BCL7C: variants seen among roughly 807,000 people sequenced by gnomAD.
The protein encoded by BCL7C is B-cell CLL/lymphoma 7 protein family member C.
In BCL7C, 8 loss-of-function variants were observed where a neutral mutation model predicts 26.2. The observed-to-expected ratio is 0.30, with a 90% CI of 0.18 to 0.55. BCL7C has a LOEUF of 0.55. BCL7C is among the 20% of genes least tolerant of loss of function. BCL7C has a pLI of 0.93. For synonymous variants in BCL7C, 90 were observed against 116.5 expected (o/e 0.77, Z 1.47); for missense variants, 262 against 298.5 (o/e 0.88, Z 0.90).
intron 5 of BCL7C, among the ~76,000 whole-genome samples, chr16:30,859,304 TG>T (rs1186768488): frequency 6.6e-6 from 1 of 152,220 alleles, no homozygotes; most frequent in African/African-American, 2.4e-5. Context: ...GAGACTGTTT[TG>T]CAGAAGTGAG....
chr16:30,881,528 C>A (rs1464027581), intron 5 of BCL7C, among the ~76,000 whole-genome samples: 2 of 152,192 alleles, frequency 1.3e-5, no homozygotes, highest in East Asian at 3.8e-4. Flanking sequence ...GGCCTCTGAG[C>A]AGGGCGACCA....
intron 5 of BCL7C, among the ~76,000 whole-genome samples, chr16:30,849,742 T>C (rs182122318): frequency 7.0e-6 from 1 of 143,224 alleles, no homozygotes; most frequent in African/African-American, 2.6e-5. Flanking sequence ...TGAGCCCCTG[T>C]GCCTGGCCTC....
intron 5 of BCL7C, among the ~76,000 whole-genome samples, chr16:30,835,825 G>A (rs1035657113): frequency 6.6e-6 from 1 of 151,788 alleles, no homozygotes; most frequent in Admixed American, 6.6e-5. Flanking sequence ...CAGCCTGGGC[G>A]ACAGAGTGAG....
intron 5 of BCL7C, among the ~76,000 whole-genome samples, chr16:30,882,029 C>T (rs1217946380): frequency 1.3e-5 from 2 of 151,510 alleles, no homozygotes; most frequent in African/African-American, 4.9e-5. Flanking sequence ...GGTGCGATCT[C>T]GGCTCACTGC....
intron 5 of BCL7C, among the ~76,000 whole-genome samples, chr16:30,870,016 T>G (rs2054869022): frequency 6.6e-6 from 1 of 152,200 alleles, no homozygotes. Flanking sequence ...AATACATGCA[T>G]CTATCCATCT....
chr16:30,889,662 G>A (rs761995973), intron 4 of BCL7C, among the ~76,000 whole-genome samples: 2 of 152,042 alleles, frequency 1.3e-5, no homozygotes, highest in African/African-American at 2.4e-5. Context: ...CTGATTTTTT[G>A]TATTTTTAGT....
downstream of BCL7C, among the ~76,000 whole-genome samples, chr16:30,885,898 T>G (rs1303256399): frequency 1.3e-5 from 2 of 152,102 alleles, no homozygotes. Context: ...GTTGCCCAGA[T>G]TTGAGCACAG....
rs1052519087 is a variant in BCL7C, at chr16:30,887,798, C to G, written c.*67G>C. The G allele has an allele frequency of 1.3e-6, 2 of 1,517,356 alleles. No individual in the cohort carries two copies. Among genetic ancestry groups the G allele is most frequent in the African/African-American group, 2.9e-5 (2 of 69,560 alleles). 94.0% of individuals were successfully genotyped at this position (1,517,356 alleles called of 1,614,324 possible). A position where few individuals can be genotyped will look rare whatever the true frequency, so the allele number is the denominator to read the frequency against. ...GGGGAAATGACATGACACAAAATTA[C>G]AAAAGGGTCTTTATTTGTAAAAAGC... On this transcript the variant is annotated 3_prime_UTR_variant, in exon 6 of 6. Transcript: ENST00000215115.
chr16:30,869,115 G>A (rs1567315555), intron 5 of BCL7C, among the ~76,000 whole-genome samples: 1 of 152,094 alleles, frequency 6.6e-6, no homozygotes, highest in Non-Finnish European at 1.5e-5. Context: ...TAGAAAGAGT[G>A]CCGAGCTTGA....
chr16:30,849,550 C>T (rs1312365615), intron 5 of BCL7C, among the ~76,000 whole-genome samples: 1 of 152,012 alleles, frequency 6.6e-6, no homozygotes, highest in Non-Finnish European at 1.5e-5. Context: ...ATCCTGGGTT[C>T]AAGCATTTCC....
At chr16:30,858,658 C>T (rs1383648091) in intron 5 of BCL7C, among the ~76,000 whole-genome samples, 3 of 152,164 alleles carry the variant, frequency 2.0e-5, no homozygotes, top group South Asian at 2.1e-4. Flanking sequence ...ATGAGACACT[C>T]GGAGATACTG....
chr16:30,847,204 A>T (rs1346585078), intron 5 of BCL7C, among the ~76,000 whole-genome samples: 1 of 152,200 alleles, frequency 6.6e-6, no homozygotes, highest in Non-Finnish European at 1.5e-5. Context: ...TTGAATTTGC[A>T]GTCTCATCAA....
intron 5 of BCL7C, among the ~76,000 whole-genome samples, chr16:30,857,955 G>A (rs1378725171): frequency 7.8e-6 from 1 of 127,844 alleles, no homozygotes; most frequent in Admixed American, 9.2e-5. Flanking sequence ...TGAGTGACAA[G>A]AGCGAAACTC....
At chr16:30,876,852 C>G (rs953223540) in intron 5 of BCL7C, among the ~76,000 whole-genome samples, 3 of 152,152 alleles carry the variant, frequency 2.0e-5, no homozygotes, top group Non-Finnish European at 2.9e-5. Context: ...GGGGCCAAAT[C>G]CAGCAGGGGC....
chr16:30,856,670 T>C (rs1009638558), intron 5 of BCL7C, among the ~76,000 whole-genome samples: 5 of 152,192 alleles, frequency 3.3e-5, no homozygotes, highest in South Asian at 2.1e-4. Flanking sequence ...TTTTCTTAAA[T>C]GCCTTTCACA....
chr16:30,861,216 C>T (rs1441011821), intron 5 of BCL7C, among the ~76,000 whole-genome samples: 2 of 152,106 alleles, frequency 1.3e-5, no homozygotes, highest in South Asian at 2.1e-4. Flanking sequence ...AGATTCTGGC[C>T]GTCAAACCCT....
intron 5 of BCL7C, among the ~76,000 whole-genome samples, chr16:30,871,470 T>C (rs1432195374): frequency 6.6e-6 from 1 of 152,164 alleles, no homozygotes; most frequent in Non-Finnish European, 1.5e-5. Flanking sequence ...GCTCTGAGAA[T>C]ATTCACCTAG....
chr16:30,835,920 C>T (rs1224168346), intron 5 of BCL7C, among the ~76,000 whole-genome samples: 1 of 151,612 alleles, frequency 6.6e-6, no homozygotes, highest in African/African-American at 2.4e-5. Flanking sequence ...GGGAGGGAGG[C>T]CAAACAAAGC....
downstream of BCL7C, among the ~76,000 whole-genome samples, chr16:30,883,893 A>G (rs370578234): frequency 6.2e-5 from 9 of 146,128 alleles, no homozygotes; most frequent in African/African-American, 2.0e-4. Context: ...TGGGAGGCCA[A>G]GGCGGGCGGA....
Sources: gnomAD v4.1 joint callset for allele counts (sites outside exome capture counted in the v4.1 genomes callset) on GRCh38, gnomAD v4.1.1 for gene constraint, MANE v1.5 for transcripts, NCBI Gene and HGNC (gene_info 2026-07-23, HGNC 2026-07-21) for gene names.